The following HSPBAP1 variants were observed in gnomAD, a reference collection of about 807,000 sequenced individuals.
The protein encoded by HSPBAP1 is HSPB1 associated protein 1.
In HSPBAP1, 27 loss-of-function variants were observed where a neutral mutation model predicts 45.2. The ratio of observed to expected loss-of-function variants is 0.60; its 90% CI spans 0.44 to 0.82. The LOEUF is 0.82. Ranked by LOEUF, HSPBAP1 falls within the 40% of genes least tolerant of loss-of-function variation. The pLI, the probability that HSPBAP1 is intolerant of heterozygous loss-of-function variation, is 0.00. For missense variants in HSPBAP1, 510 were observed against 590.9 expected, an observed-to-expected ratio of 0.86 and a Z score of 1.42; for synonymous variants, 204 against 202.7, an observed-to-expected ratio of 1.01 and a Z score of -0.06.
At chr3:122,746,764 T>C (rs1473294767) in intron 6 of HSPBAP1, among the ~76,000 whole-genome samples, 11 of 152,070 alleles carry the variant, frequency 7.2e-5, no homozygotes, top group South Asian at 4.2e-4. Flanking sequence ...CTGATTCTCC[T>C]GCCTCGGCCT....
At chr3:122,774,443 T>C (rs1275912331) in intron 2 of HSPBAP1, among the ~76,000 whole-genome samples, 1 of 152,124 alleles carries the variant, frequency 6.6e-6, no homozygotes, top group Non-Finnish European at 1.5e-5. Flanking sequence ...AACAAAGCCC[T>C]GGAAATACAG....
At chr3:122,759,889 G>A (rs542331396) in intron 3 of HSPBAP1, among the ~76,000 whole-genome samples, 4 of 152,160 alleles carry the variant, frequency 2.6e-5, no homozygotes, top group Non-Finnish European at 4.4e-5. Context: ...GTACTTCAAT[G>A]ACCACATAAA....
In HSPBAP1 at chr3:122,755,292, G is replaced by T. The variant is rs566564740; in HGVS notation, c.709C>A (p.Gln237Lys). 6.3e-7 allele frequency: 1 copy of T among 1,597,794 alleles called. No individual in the cohort carries two copies. The highest frequency in any genetic ancestry group is 1.4e-5 in the African/African-American group (1 of 73,732). Residue 237 changes from glutamine (Q) to lysine (K), a missense_variant, in exon 5 of 8, where the codon CAA (glutamine) becomes AAA (lysine). By Grantham distance (53) the Gln-to-Lys change is moderately conservative (BLOSUM62 1). Coordinates refer to ENST00000306103, the MANE Select transcript of HSPBAP1 (RefSeq NM_024610.6). ...LKRFPQFRKA[Q>K]RHAVTLSPGQ... ...GGGCTCAGTGTAACCGCATGTCTTT[G>T]AGCTTTCCGGAACTGAGGAAAACGC... is the stretch of plus-strand genomic sequence containing the variant.
At chr3:122,744,554 CAG>C (rs1379733972) in intron 6 of HSPBAP1, among the ~76,000 whole-genome samples, 5 of 152,156 alleles carry the variant, frequency 3.3e-5, no homozygotes, top group Non-Finnish European at 7.4e-5. Context: ...GGCCTTCAAA[CAG>C]AATTATACAG....
intron 3 of HSPBAP1, chr3:122,761,555 G>A (rs1231185677): frequency 6.6e-6 from 1 of 151,990 alleles, no homozygotes; most frequent in Non-Finnish European, 1.5e-5. Flanking sequence ...GGACTGCCTG[G>A]GTCCAGGAGT....
chr3:122,777,930 A>G, intron 1 of HSPBAP1, 24 bp from the exon 2 acceptor site: 1 of 1,536,250 alleles, frequency 6.5e-7, no homozygotes, highest in Non-Finnish European at 8.9e-7. Flanking sequence ...TGAATACAGC[A>G]ATAGATAGAA....
intron 6 of HSPBAP1, among the ~76,000 whole-genome samples, chr3:122,747,981 C>A (rs565038936): frequency 8.5e-4 from 129 of 152,286 alleles, no homozygotes; most frequent in Middle Eastern, 6.8e-3. Context: ...CGGATGGTTG[C>A]CGTGTCTGTG....
At chr3:122,747,518 C>A (rs1933930796) in intron 6 of HSPBAP1, among the ~76,000 whole-genome samples, 1 of 151,058 alleles carries the variant, frequency 6.6e-6, no homozygotes, top group South Asian at 2.1e-4. Context: ...GGCCAGCCGC[C>A]CCGTCTCGGA....
intron 1 of HSPBAP1, among the ~76,000 whole-genome samples, chr3:122,781,938 G>C (rs1429078612): frequency 6.6e-6 from 1 of 152,120 alleles, no homozygotes; most frequent in Non-Finnish European, 1.5e-5. Flanking sequence ...ACACATGAAG[G>C]CAGGTGAAAA....
rs10657578 is a variant in HSPBAP1 at position 122,759,185 on chromosome 3, CCACA to C, written c.569+35_569+38del. Reference sequence around the variant, plus strand: ...TATTGCATGCATGCACATGTGCGTTCCACACACACACACACACACACACACACAC... The same window carrying C: ...TATTGCATGCATGCACATGTGCGTTCCACACACACACACACACACACACAC... On this transcript the variant is annotated intron_variant, in intron 4 of 7. Coordinates refer to ENST00000306103, the MANE Select transcript of HSPBAP1 (RefSeq NM_024610.6). 3.8e-3 allele frequency: 5,511 copies of C among 1,460,962 alleles called. 8 individuals are homozygous for C. The highest frequency in any genetic ancestry group is 0.03 in the Admixed American group (1,450 of 48,124). The allele number at this position is 1,460,962 out of a possible 1,614,324, so 90.5% of individuals were successfully genotyped here. A position where few individuals can be genotyped will look rare whatever the true frequency, so the allele number is the denominator to read the frequency against.
intron 6 of HSPBAP1, 129 bp from the exon 7 acceptor site, chr3:122,741,242 G>A: frequency 5.7e-6 from 4 of 705,450 alleles, no homozygotes; most frequent in East Asian, 2.7e-5. Flanking sequence ...GAATGAATAT[G>A]CTATTGGTAG....
chr3:122,793,740 G>A lies in HSPBAP1; in HGVS notation c.-60C>T. ...GCGGAGCGGAGCTGGGGTGGGGTCA[G>A]AGTAGGGGCCAAACTCCGAGACCCG... On this transcript the variant is annotated 5_prime_UTR_variant, in exon 1 of 8. Coordinates refer to ENST00000306103, the MANE Select transcript of HSPBAP1 (RefSeq NM_024610.6). The A allele has an allele frequency of 6.6e-7, 1 of 1,523,254 alleles. No individual in the cohort carries two copies. The highest frequency in any genetic ancestry group is 9.1e-7 in the Non-Finnish European group (1 of 1,101,406). 94.4% of individuals were successfully genotyped at this position (1,523,254 alleles called of 1,614,324 possible).
intron 3 of HSPBAP1, among the ~76,000 whole-genome samples, chr3:122,760,840 T>C (rs1877379): frequency 0.55 from 83,944 of 152,002 alleles, 24,091 homozygotes; most frequent in Non-Finnish European, 0.65. Flanking sequence ...TGACTTATGA[T>C]GGTTAAAATA....
chr3:122,763,987 T>C (rs1424543404), intron 3 of HSPBAP1, among the ~76,000 whole-genome samples: 1 of 152,232 alleles, frequency 6.6e-6, no homozygotes, highest in Non-Finnish European at 1.5e-5. Context: ...TAAAGTTCTA[T>C]GTTTTAGGGC....
At chr3:122,759,002 C>T (rs939716223) in intron 4 of HSPBAP1, 43 of 508,892 alleles carry the variant, frequency 8.4e-5, no homozygotes, top group Non-Finnish European at 1.4e-4. Context: ...CTGATCATGA[C>T]AAGGCACGCA....
At position 122,759,776 on chromosome 3, in the gene HSPBAP1, C is replaced by T. The variant is rs373163115; in HGVS notation, c.433-416G>A. 8.4e-4 allele frequency among the ~76,000 whole-genome samples: 128 copies of T among 152,266 alleles called. 3 individuals carry two copies. In the South Asian group the frequency reaches 0.026, roughly 31 times the overall value. ...AGAACAGTGAATGCAGCGGAAATGG[C>T]ATTATTTCAAATATCTCTGAGACAC... On this transcript the variant is annotated intron_variant, in intron 3 of 7. Coordinates refer to ENST00000306103, the MANE Select transcript of HSPBAP1 (RefSeq NM_024610.6).
At chr3:122,758,280 A>C (rs1187048749) in intron 4 of HSPBAP1, among the ~76,000 whole-genome samples, 3 of 152,228 alleles carry the variant, frequency 2.0e-5, no homozygotes, top group Admixed American at 6.5e-5. Flanking sequence ...CAAGTGGCAC[A>C]AACACTTAGA....
At chr3:122,747,307 G>A (rs1268117985) in intron 6 of HSPBAP1, among the ~76,000 whole-genome samples, 115 of 136,050 alleles carry the variant, frequency 8.5e-4, no homozygotes, top group African/African-American at 1.7e-3. Context: ...GCCCGGCCGC[G>A]ACCCCATCTA....
chr3:122,784,952 G>T (rs868324307), intron 1 of HSPBAP1, among the ~76,000 whole-genome samples: 7 of 152,338 alleles, frequency 4.6e-5, no homozygotes, highest in Admixed American at 1.3e-4. Flanking sequence ...AACAGGCAGA[G>T]ACGGTAATTC....
Sources: gnomAD v4.1 joint callset for allele counts (sites outside exome capture counted in the v4.1 genomes callset) on GRCh38, gnomAD v4.1.1 for gene constraint, MANE v1.5 for transcripts, NCBI Gene and HGNC (gene_info 2026-07-23, HGNC 2026-07-21) for gene names.